PPP1R13B: variants seen among roughly 807,000 people sequenced by gnomAD.
PPP1R13B encodes protein phosphatase 1 regulatory subunit 13B, also known as apoptosis-stimulating of p53 protein 1.
PPP1R13B carries 44 observed loss-of-function variants against 119.8 expected under a neutral mutation model. That is an observed-to-expected ratio of 0.37 (90% CI 0.29 to 0.47). PPP1R13B has a LOEUF of 0.47. Ranked by LOEUF, PPP1R13B falls within the 20% of genes least tolerant of loss-of-function variation. The pLI is 0.99. For missense variants in PPP1R13B, 1,227 were observed against 1,413.5 expected (o/e 0.87, Z 2.12); for synonymous variants, 542 against 561.5 (o/e 0.97, Z 0.49).
chr14:103,827,778 T>C (rs1021769165), intron 1 of PPP1R13B, among the ~76,000 whole-genome samples: 11 of 152,002 alleles, frequency 7.2e-5, no homozygotes, highest in African/African-American at 2.7e-4. Flanking sequence ...CTGAGGTTCA[T>C]TTTTCCATTA....
In PPP1R13B at chr14:103,740,471, G is replaced by A. The variant is rs1595708507; in HGVS notation, c.1945C>T (p.Pro649Ser). 1 of 1,609,780 alleles carries A rather than the reference G, an allele frequency of 6.2e-7. No homozygotes were observed. Among genetic ancestry groups the A allele is most frequent in the Non-Finnish European group, 8.5e-7 (1 of 1,177,144 alleles). The change falls in exon 12 of 17, where the codon CCT (proline) becomes TCT (serine). Residue 649 changes from proline to serine, a missense_variant. Coordinates refer to ENST00000202556, the MANE Select transcript of PPP1R13B (RefSeq NM_015316.3). The surrounding 1 kb of genome is among the most constrained non-coding windows in gnomAD (Gnocchi z 4.6). ...GGGGCGGCGGGGCCATCCTGCTCAG[G>A]CTCTTTCTCAGTACTTTCTGAAGGT... ...QPPSESTEKEPEQDGPAAPAD... is the reference protein window; with the variant it reads ...QPPSESTEKESEQDGPAAPAD...
intron 1 of PPP1R13B, among the ~76,000 whole-genome samples, chr14:103,814,955 AC>A (rs1449918554): frequency 1.3e-5 from 2 of 149,822 alleles, no homozygotes; most frequent in African/African-American, 4.9e-5. Flanking sequence ...ACAAAAAAAA[AC>A]AAAAGGAAAG....
chr14:103,737,545 C>T (rs967393083), intron 15 of PPP1R13B, 149 bp downstream of exon 15: 2 of 1,059,134 alleles, frequency 1.9e-6, no homozygotes, highest in Non-Finnish European at 2.6e-6. Flanking sequence ...CATTGCACTC[C>T]AGCCTGGGTG....
chr14:103,806,495 G>A (rs980347293), intron 1 of PPP1R13B, among the ~76,000 whole-genome samples: 5 of 152,184 alleles, frequency 3.3e-5, no homozygotes, highest in African/African-American at 1.2e-4. Context: ...CAGTTGGGGT[G>A]AGGGTGGGTG....
intron 4 of PPP1R13B, among the ~76,000 whole-genome samples, chr14:103,776,334 A>T (rs954189723): frequency 6.6e-6 from 1 of 152,206 alleles, no homozygotes; most frequent in Non-Finnish European, 1.5e-5. Flanking sequence ...ATTTAAGTAT[A>T]TGAGGTAGGG....
chr14:103,755,608 A>G (rs1029376933), intron 5 of PPP1R13B, among the ~76,000 whole-genome samples: 20 of 152,238 alleles, frequency 1.3e-4, no homozygotes, highest in African/African-American at 4.8e-4. Context: ...TGTGATTATG[A>G]AGGCACTACA....
In PPP1R13B at chr14:103,784,892, A is replaced by G; in HGVS notation, c.180T>C (p.His60=). ...ATTTCTGAAGATGTTCGTACATCAT[A>G]TGATCAAAGGGTATGGGACGTTCTA... is the stretch of plus-strand genomic sequence containing the variant. ...RGNERPIPFD[H]MMYEHLQKWG... Residue 60 remains histidine (H), a synonymous_variant, in exon 3 of 17, where the codon CAT becomes CAC. Coordinates refer to ENST00000202556, the MANE Select transcript of PPP1R13B (RefSeq NM_015316.3). The G allele has an allele frequency of 1.2e-6, 2 of 1,603,466 alleles. No individual in the cohort carries two copies. The highest frequency in any genetic ancestry group is 1.1e-5 in the South Asian group (1 of 90,350).
rs11295714 is a variant in PPP1R13B at position 103,779,611 on chromosome 14, C to CA, written c.278-791dup. On this transcript the variant is annotated intron_variant, in intron 3 of 16. Coordinates refer to ENST00000202556, the MANE Select transcript of PPP1R13B (RefSeq NM_015316.3). ...GCAACGTGGCGAAAATCTGTCTCTA[C>CA]AAAAAAAAAAAAATACAGAAAGTAG... Among the ~76,000 whole-genome samples the CA allele has an allele frequency of 8.3e-3, 1,143 of 137,200 alleles. 6 individuals carry two copies. Among genetic ancestry groups the CA allele is most frequent in the African/African-American group, 0.019 (726 of 37,908 alleles). 90.0% of individuals were successfully genotyped at this position (137,200 alleles called of 152,430 possible). A position where few individuals can be genotyped will look rare whatever the true frequency, so the allele number is the denominator to read the frequency against.
chr14:103,794,648 G>C (rs1038649952), intron 2 of PPP1R13B: 1 of 447,400 alleles, frequency 2.2e-6, no homozygotes, highest in Non-Finnish European at 4.5e-6. Context: ...AGTTTTATGT[G>C]AGGGTTCTCT....
intron 2 of PPP1R13B, among the ~76,000 whole-genome samples, chr14:103,796,872 G>C (rs537713427): frequency 2.6e-5 from 4 of 152,132 alleles, no homozygotes; most frequent in African/African-American, 9.7e-5. Context: ...CACAAGAATC[G>C]TTTGAACCCA....
At chr14:103,791,623 G>C (rs573352965) in intron 2 of PPP1R13B, among the ~76,000 whole-genome samples, 2 of 152,312 alleles carry the variant, frequency 1.3e-5, no homozygotes, top group South Asian at 4.1e-4. Context: ...TACTCGGGAG[G>C]CTGAGGTGGA....
chr14:103,756,499 C>T (rs548897922), intron 5 of PPP1R13B, among the ~76,000 whole-genome samples: 7 of 152,272 alleles, frequency 4.6e-5, no homozygotes, highest in African/African-American at 1.2e-4. Flanking sequence ...TAGAAAGATT[C>T]GAGTTTCAAT....
At chr14:103,736,258 C>T (rs1345248702) in intron 15 of PPP1R13B, 56 bp from the exon 16 acceptor site, 2 of 1,569,172 alleles carry the variant, frequency 1.3e-6, no homozygotes, top group Non-Finnish European at 1.7e-6. Flanking sequence ...CAGCAAGGGA[C>T]CCTGCTCGAG....
chr14:103,843,994 G>C (rs1277367565), intron 1 of PPP1R13B, among the ~76,000 whole-genome samples: 2 of 151,304 alleles, frequency 1.3e-5, no homozygotes, highest in Non-Finnish European at 2.9e-5. Context: ...AGGGGCAGAG[G>C]GGTGGCTCAC....
intron 1 of PPP1R13B, chr14:103,804,202 G>T (rs2085966444): frequency 4.2e-6 from 1 of 236,526 alleles, no homozygotes. Context: ...AATGCAGGAT[G>T]AGGCAGGCAG....
At chr14:103,829,303 C>T (rs1197885846) in intron 1 of PPP1R13B, among the ~76,000 whole-genome samples, 1 of 152,208 alleles carries the variant, frequency 6.6e-6, no homozygotes, top group Non-Finnish European at 1.5e-5. Flanking sequence ...CAAAATGACA[C>T]TTCAACATTT....
rs555377352 is a variant in PPP1R13B, at chr14:103,774,667, G to A, written c.354+4078C>T. Among the ~76,000 whole-genome samples the A allele has an allele frequency of 5.3e-5, 8 of 152,130 alleles. No individual in the cohort carries two copies. The East Asian group carries it at 1.4e-3, about 26-fold the overall frequency. Reference sequence around the variant, plus strand: ...ACCCACACTCCCCCCTTTCTTCACAGCTCTCCTTAATCTATCCTTAGATGT... The same window carrying A: ...ACCCACACTCCCCCCTTTCTTCACAACTCTCCTTAATCTATCCTTAGATGT... On this transcript the variant is annotated intron_variant, in intron 4 of 16. Coordinates refer to ENST00000202556, the MANE Select transcript of PPP1R13B (RefSeq NM_015316.3).
chr14:103,796,664 A>G (rs1207021790), intron 2 of PPP1R13B, among the ~76,000 whole-genome samples: 1 of 152,138 alleles, frequency 6.6e-6, no homozygotes, highest in African/African-American at 2.4e-5. Context: ...TCCACACAAA[A>G]ACTTGTACAT....
At chr14:103,832,498 A>G (rs1235098934) in intron 1 of PPP1R13B, among the ~76,000 whole-genome samples, 1 of 152,224 alleles carries the variant, frequency 6.6e-6, no homozygotes, top group Non-Finnish European at 1.5e-5. Flanking sequence ...TGAAGGATTG[A>G]AGAAGTCTAC....
Sources: allele counts gnomAD v4.1 joint callset (sites outside exome capture counted in the v4.1 genomes callset), GRCh38; gene constraint gnomAD v4.1.1; non-coding constraint Gnocchi (gnomAD v3.1); transcripts MANE v1.5; gene names NCBI Gene and HGNC (gene_info 2026-07-23, HGNC 2026-07-21).